AGAP1: variants seen among roughly 807,000 people sequenced by gnomAD.
AGAP1 encodes ArfGAP with GTPase domain, ankyrin repeat and PH domain 1.
A neutral mutation model predicts 105.3 loss-of-function variants in AGAP1; 29 were observed. The ratio of observed to expected loss-of-function variants is 0.28; its 90% CI spans 0.21 to 0.38. The LOEUF (loss-of-function observed/expected upper bound fraction) is 0.38. AGAP1 is among the 10% of genes least tolerant of loss of function. AGAP1 has a pLI of 1.00. For missense variants in AGAP1, 998 were observed against 1,165.1 expected (o/e 0.86, Z 2.09); for synonymous variants, 509 against 485.9 (o/e 1.05, Z -0.63).
Position 236,068,164 on chromosome 2 carries a change from C to T in AGAP1, c.2114+18883C>T, listed in dbSNP as rs930843022. 1.6e-4 allele frequency among the ~76,000 whole-genome samples: 24 copies of T among 152,018 alleles called. 1 individual carries two copies. The highest frequency in any genetic ancestry group is 1.5e-3 in the Admixed American group (23 of 15,264). Reference sequence around the variant, plus strand: ...GCATGTGCCTGTAATCCCAGCTACTCGGAGGCTGAGGCAGGAGAATTGCTT... The same window carrying T: ...GCATGTGCCTGTAATCCCAGCTACTTGGAGGCTGAGGCAGGAGAATTGCTT... On this transcript the variant is annotated intron_variant, in intron 16 of 17. Coordinates refer to ENST00000304032, the MANE Select transcript of AGAP1 (RefSeq NM_001037131.3).
intron 13 of AGAP1, among the ~76,000 whole-genome samples, chr2:236,031,337 C>T (rs902180197): frequency 1.3e-5 from 2 of 152,152 alleles, no homozygotes; most frequent in African/African-American, 4.8e-5. Flanking sequence ...CGAAAGAGAA[C>T]TATAGTTGCA....
rs1414971537 is a variant in AGAP1 at position 236,113,072 on chromosome 2, C to T, written c.2115-7120C>T. On this transcript the variant is annotated intron_variant, in intron 16 of 17. Transcript: ENST00000304032. The surrounding 1 kb of genome is among the most constrained non-coding windows in gnomAD (Gnocchi z 4.3). ...CTTTCCTGCAGCCTTTCTTTTTTCC[C>T]ACGATTTCCCAAAATACGGCCACCA... is the stretch of plus-strand genomic sequence containing the variant. Among the ~76,000 whole-genome samples, 4 of 152,178 alleles carry T rather than the reference C, an allele frequency of 2.6e-5. No homozygotes were observed. The highest frequency in any genetic ancestry group is 5.9e-5 in the Non-Finnish European group (4 of 68,034).
chr2:235,494,912 T>C, intron 1 of AGAP1, 63 bp downstream of exon 1: 10 of 1,469,208 alleles, frequency 6.8e-6, no homozygotes, highest in Non-Finnish European at 9.1e-6. Flanking sequence ...GGCGGGGGTG[T>C]GCGCTGTGTG....
At chr2:235,956,104 G>A (rs973344123) in intron 12 of AGAP1, among the ~76,000 whole-genome samples, 2 of 152,132 alleles carry the variant, frequency 1.3e-5, no homozygotes, top group African/African-American at 2.4e-5. Flanking sequence ...ACCCTCACAC[G>A]TGAAACAGAA....
At chr2:235,538,751 G>A (rs1943335798) in intron 1 of AGAP1, among the ~76,000 whole-genome samples, 1 of 152,078 alleles carries the variant, frequency 6.6e-6, no homozygotes, top group South Asian at 2.1e-4. Context: ...CCTTTTTGAG[G>A]AGATTTGAGA....
chr2:235,960,365 G>A lies in AGAP1; in HGVS notation c.1484-8097G>A, dbSNP rs1049386568. Among the ~76,000 whole-genome samples, 2 of 152,036 alleles carry A rather than the reference G, an allele frequency of 1.3e-5. No homozygotes were observed. The highest frequency in any genetic ancestry group is 6.5e-5 in the Admixed American group (1 of 15,280). Reference sequence around the variant, plus strand: ...CTGAAAAGCTTGCCTCCTTCTCCCCGCAGTGGCCAGGACAAGGCTCACATT... The same window carrying A: ...CTGAAAAGCTTGCCTCCTTCTCCCCACAGTGGCCAGGACAAGGCTCACATT... On this transcript the variant is annotated intron_variant, in intron 12 of 17. Coordinates refer to ENST00000304032, the MANE Select transcript of AGAP1 (RefSeq NM_001037131.3). This position sits in a 1 kb window ranked among gnomAD's most constrained non-coding sequence, Gnocchi z 4.9.
chr2:235,849,255 C>T (rs1439832274), intron 9 of AGAP1, among the ~76,000 whole-genome samples: 1 of 152,186 alleles, frequency 6.6e-6, no homozygotes, highest in Admixed American at 6.5e-5. Flanking sequence ...CGAGGTCCAA[C>T]TCGTGAAGGA....
intron 6 of AGAP1, among the ~76,000 whole-genome samples, chr2:235,756,429 A>G (rs1953931869): frequency 6.6e-6 from 1 of 152,204 alleles, no homozygotes; most frequent in South Asian, 2.1e-4. Context: ...TGATTCCTAA[A>G]GAAAGAGGGG....
At chr2:235,948,921 G>A (rs2053613526) in intron 12 of AGAP1, among the ~76,000 whole-genome samples, 1 of 152,238 alleles carries the variant, frequency 6.6e-6, no homozygotes. Flanking sequence ...AAAGCAGACA[G>A]CATTCCAGTG....
chr2:235,781,258 A>G (rs1409932780), intron 6 of AGAP1, among the ~76,000 whole-genome samples: 2 of 152,190 alleles, frequency 1.3e-5, no homozygotes, highest in Non-Finnish European at 2.9e-5. Flanking sequence ...GACTTCACTC[A>G]TCAGAGCTAT....
In AGAP1 at chr2:236,071,454, C is replaced by T. The variant is rs562621158; in HGVS notation, c.2114+22173C>T. On this transcript the variant is annotated intron_variant, in intron 16 of 17. Coordinates refer to ENST00000304032, the MANE Select transcript of AGAP1 (RefSeq NM_001037131.3). ...CTGGCTTGGGGTGGCAGGGCCTGAC[C>T]CCAAGGATACATACAATCTGGAACA... 4.5e-4 allele frequency among the ~76,000 whole-genome samples: 68 copies of T among 152,262 alleles called. 1 individual carries two copies. In the South Asian group the frequency reaches 0.014, roughly 31 times the overall value.
At position 235,740,370 on chromosome 2, in the gene AGAP1, G is replaced by C. The variant is rs1015141002; in HGVS notation, c.311-593G>C. On this transcript the variant is annotated intron_variant, in intron 3 of 17. Coordinates refer to ENST00000304032, the MANE Select transcript of AGAP1 (RefSeq NM_001037131.3). The surrounding 1 kb of genome is among the most constrained non-coding windows in gnomAD (Gnocchi z 5.7). ...AACGCCTCCTGTCAGCCGCTGCTCT[G>C]CTGTCTCCACCCGTGCGGAGGTCCC... Among the ~76,000 whole-genome samples the C allele has an allele frequency of 2.6e-5, 4 of 152,166 alleles. No homozygotes were observed. The highest frequency in any genetic ancestry group is 9.7e-5 in the African/African-American group (4 of 41,426).
chr2:235,766,900 C>G (rs1322524354), intron 6 of AGAP1, among the ~76,000 whole-genome samples: 5 of 141,398 alleles, frequency 3.5e-5, no homozygotes, highest in Non-Finnish European at 7.6e-5. Flanking sequence ...TGCCACCACA[C>G]CGGCTAATTT....
At chr2:235,859,403 C>CT (rs1415616316) in intron 9 of AGAP1, among the ~76,000 whole-genome samples, 1 of 96,810 alleles carries the variant, frequency 1.0e-5, no homozygotes, top group South Asian at 6.0e-4. Context: ...TCCCCCCCCC[C>CT]CCCCGCCTTT....
At chr2:235,654,677 C>G (rs1947716990) in intron 1 of AGAP1, among the ~76,000 whole-genome samples, 1 of 152,142 alleles carries the variant, frequency 6.6e-6, no homozygotes, top group Non-Finnish European at 1.5e-5. Flanking sequence ...CCCCCGGCCA[C>G]TTCTAAAGAT....
In AGAP1 at chr2:235,983,820, T is replaced by C. The variant is rs961441747; in HGVS notation, c.1645+15197T>C. On this transcript the variant is annotated intron_variant, in intron 13 of 17. Coordinates refer to ENST00000304032, the MANE Select transcript of AGAP1 (RefSeq NM_001037131.3). The surrounding 1 kb of genome is among the most constrained non-coding windows in gnomAD (Gnocchi z 4.5). ...ACCATCTAGGCTTATGTATGGACTC[T>C]GTGATGGTCACACAATGACAAAATC... Among the ~76,000 whole-genome samples, 2 of 152,238 alleles carry C rather than the reference T, an allele frequency of 1.3e-5. No homozygotes were observed. The highest frequency in any genetic ancestry group is 4.8e-5 in the African/African-American group (2 of 41,468).
At chr2:235,715,373 C>T (rs1028797858) in intron 2 of AGAP1, among the ~76,000 whole-genome samples, 3 of 149,814 alleles carry the variant, frequency 2.0e-5, no homozygotes, top group Non-Finnish European at 4.5e-5. Flanking sequence ...GGAGGTGGAG[C>T]CCAGGGCCTC....
intron 9 of AGAP1, among the ~76,000 whole-genome samples, chr2:235,827,311 AG>A (rs966676801): frequency 3.3e-4 from 51 of 152,264 alleles, no homozygotes; most frequent in African/African-American, 1.2e-3. Context: ...CTGAGGTTTC[AG>A]GGCTTTGACC....
At position 235,622,127 on chromosome 2, in the gene AGAP1, C is replaced by CT. The variant is rs374529201; in HGVS notation, c.164-87042dup. 6.6e-5 allele frequency among the ~76,000 whole-genome samples: 10 copies of CT among 150,702 alleles called. No individual in the cohort carries two copies. Among genetic ancestry groups the CT allele is most frequent in the Non-Finnish European group, 8.9e-5 (6 of 67,532 alleles). The stretch of plus-strand genomic sequence containing the variant: ...GTTACATGCAGACATCCAAAATAAA[C>CT]TTTTTTTTTTCTGTACAAAATTAGA... On this transcript the variant is annotated intron_variant, in intron 1 of 17. Transcript: ENST00000304032. The surrounding 1 kb of genome is among the most constrained non-coding windows in gnomAD (Gnocchi z 5.0).
Sources: allele counts gnomAD v4.1 joint callset (sites outside exome capture counted in the v4.1 genomes callset), GRCh38; gene constraint gnomAD v4.1.1; non-coding constraint Gnocchi (gnomAD v3.1); transcripts MANE v1.5; gene names NCBI Gene and HGNC (gene_info 2026-07-23, HGNC 2026-07-21).